Variants in XRRA1 observed in about 807,000 individuals in gnomAD.
XRRA1 encodes the protein X-ray radiation resistance-associated protein 1.
Under a neutral mutation model 80.2 loss-of-function variants are expected in XRRA1, and 69 were observed. The ratio of observed to expected loss-of-function variants is 0.86; its 90% CI spans 0.71 to 1.05. XRRA1 has a LOEUF of 1.05. Ranked by LOEUF, XRRA1 falls within the 50% of genes least tolerant of loss-of-function variation. XRRA1 has a pLI of 0.00. For synonymous variants in XRRA1, 348 were observed against 389.9 expected, an observed-to-expected ratio of 0.89 and a Z score of 1.27; for missense variants, 967 against 976.4, an observed-to-expected ratio of 0.99 and a Z score of 0.13.
At chr11:74,883,378 G>C (rs534548174) in intron 10 of XRRA1, among the ~76,000 whole-genome samples, 1 of 152,058 alleles carries the variant, frequency 6.6e-6, no homozygotes, top group Non-Finnish European at 1.5e-5. Context: ...GCTCGCACAC[G>C]GTGTGCGCAC....
At chr11:74,930,239 C>T in intron 6 of XRRA1, 61 bp downstream of exon 6, 1 of 1,338,336 alleles carries the variant, frequency 7.5e-7, no homozygotes, top group Non-Finnish European at 1.0e-6. Flanking sequence ...AATCCTAACA[C>T]ACGTGAATGG....
chr11:74,911,025 T>C (rs2055761150), intron 8 of XRRA1, among the ~76,000 whole-genome samples: 1 of 152,034 alleles, frequency 6.6e-6, no homozygotes, highest in Non-Finnish European at 1.5e-5. Context: ...AGGAGTTTGA[T>C]AAGTAGGCTA....
intron 10 of XRRA1, among the ~76,000 whole-genome samples, chr11:74,881,583 A>T (rs1342593825): frequency 6.6e-6 from 1 of 151,448 alleles, no homozygotes; most frequent in Non-Finnish European, 1.5e-5. Context: ...TTTTGGCATG[A>T]TTTTGCAGCA....
intron 6 of XRRA1, among the ~76,000 whole-genome samples, chr11:74,929,975 A>C (rs1342588123): frequency 6.6e-6 from 1 of 152,224 alleles, no homozygotes; most frequent in Non-Finnish European, 1.5e-5. Flanking sequence ...ATGCTCCTAC[A>C]GGAGTACTTT....
chr11:74,921,382 C>T, intron 7 of XRRA1, 35 bp from the exon 8 acceptor site: 3 of 1,612,276 alleles, frequency 1.9e-6, no homozygotes, highest in East Asian at 2.2e-5. Flanking sequence ...GGAAGGTAAG[C>T]ACTCTGTGTG....
intron 10 of XRRA1, among the ~76,000 whole-genome samples, chr11:74,894,879 G>GA (rs2051851019): frequency 6.6e-6 from 1 of 152,166 alleles, no homozygotes; most frequent in Admixed American, 6.5e-5. Flanking sequence ...CCAGGGATAT[G>GA]AAATACCAAT....
At chr11:74,859,976 T>G (rs1388486544) in intron 11 of XRRA1, among the ~76,000 whole-genome samples, 1 of 152,070 alleles carries the variant, frequency 6.6e-6, no homozygotes, top group African/African-American at 2.4e-5. Flanking sequence ...CTCAGTACAC[T>G]CACTGATTCC....
At chr11:74,931,763 A>G (rs566135943) in intron 5 of XRRA1, 2 of 152,336 alleles carry the variant, frequency 1.3e-5, no homozygotes, top group East Asian at 1.9e-4. Context: ...CCTCCTATTC[A>G]TAAGAGTTTC....
At chr11:74,941,903 C>T (rs979027615) in intron 2 of XRRA1, among the ~76,000 whole-genome samples, 3 of 152,068 alleles carry the variant, frequency 2.0e-5, no homozygotes, top group Non-Finnish European at 4.4e-5. Context: ...ATGAGCATTT[C>T]ATGTGTGGAC....
chr11:74,855,617 G>A (rs2040902755), intron 12 of XRRA1, among the ~76,000 whole-genome samples: 1 of 152,162 alleles, frequency 6.6e-6, no homozygotes, highest in Non-Finnish European at 1.5e-5. Flanking sequence ...GGATTAAGGA[G>A]AGTGTAACAA....
chr11:74,878,607 T>TC (rs1204242551), intron 10 of XRRA1, among the ~76,000 whole-genome samples: 1 of 151,398 alleles, frequency 6.6e-6, no homozygotes, highest in East Asian at 1.9e-4. Context: ...GTCTAACGTT[T>TC]AAGTCTTTAA....
At chr11:74,848,485 T>A in intron 14 of XRRA1, 23 bp from the exon 15 acceptor site, 1 of 1,570,876 alleles carries the variant, frequency 6.4e-7, no homozygotes, top group Admixed American at 1.8e-5. Context: ...AGGGCCAGAA[T>A]GAATTTGCTT....
intron 12 of XRRA1, among the ~76,000 whole-genome samples, chr11:74,856,970 A>T (rs11236259): frequency 0.041 from 6,263 of 152,222 alleles, 134 homozygotes; most frequent in African/African-American, 0.058. Context: ...GGAGAGGGGT[A>T]GGACCACTGA....
At chr11:74,927,124 T>G (rs1371411352) in intron 7 of XRRA1, among the ~76,000 whole-genome samples, 2 of 152,170 alleles carry the variant, frequency 1.3e-5, no homozygotes, top group African/African-American at 2.4e-5. Flanking sequence ...GACATGACCT[T>G]TGGCATTTAT....
At chr11:74,882,050 G>A (rs1229227095) in intron 10 of XRRA1, among the ~76,000 whole-genome samples, 1 of 146,892 alleles carries the variant, frequency 6.8e-6, no homozygotes, top group African/African-American at 2.5e-5. Flanking sequence ...TCTGAACGTT[G>A]GCCTGCCTTG....
At chr11:74,919,193 C>T (rs953261602) in intron 8 of XRRA1, among the ~76,000 whole-genome samples, 1 of 152,062 alleles carries the variant, frequency 6.6e-6, no homozygotes, top group Non-Finnish European at 1.5e-5. Context: ...CCTTTTAGAG[C>T]TACATACTGG....
At chr11:74,892,495 G>A (rs1257994375) in intron 10 of XRRA1, among the ~76,000 whole-genome samples, 1 of 152,078 alleles carries the variant, frequency 6.6e-6, no homozygotes, top group African/African-American at 2.4e-5. Context: ...ATAGGCATGG[G>A]CAAGGACTTC....
intron 10 of XRRA1, among the ~76,000 whole-genome samples, chr11:74,891,435 A>C (rs1591103554): frequency 1.3e-5 from 2 of 152,220 alleles, no homozygotes; most frequent in Non-Finnish European, 2.9e-5. Context: ...TGACAAACCC[A>C]CAGCCAATAT....
Position 74,940,797 on chromosome 11 carries a change from C to G in XRRA1, c.82G>C (p.Val28Leu). 1 of 1,605,836 alleles carries G rather than the reference C, an allele frequency of 6.2e-7. No homozygotes were observed. The highest frequency in any genetic ancestry group is 8.5e-7 in the Non-Finnish European group (1 of 1,176,310). Reference sequence around the variant, plus strand: ...GAAGTCACCTGACCTTCCTCCGGCACGCGAAGCAGATTTCTGGCTGGGAAG... The same window carrying G: ...GAAGTCACCTGACCTTCCTCCGGCAGGCGAAGCAGATTTCTGGCTGGGAAG... ...NCFPARNLLR[V>L]PEEGQGHWLV... Residue 28 changes from valine to leucine, a missense_variant, in exon 3 of 19, where the codon GTG becomes CTG. Transcript: ENST00000684022.
Sources: gnomAD v4.1 joint callset for allele counts (sites outside exome capture counted in the v4.1 genomes callset) on GRCh38, gnomAD v4.1.1 for gene constraint, MANE v1.5 for transcripts, NCBI Gene and HGNC (gene_info 2026-07-23, HGNC 2026-07-21) for gene names.